PARD3B: variants seen among roughly 807,000 people sequenced by gnomAD.
The protein encoded by PARD3B is partitioning defective 3 homolog B.
A neutral mutation model predicts 130.2 loss-of-function variants in PARD3B; 103 were observed. The observed-to-expected ratio is 0.79, with a 90% CI of 0.67 to 0.93. PARD3B has a LOEUF of 0.93. Ranked by LOEUF, PARD3B falls within the 40% of genes least tolerant of loss-of-function variation. PARD3B has a pLI of 0.00. For synonymous variants in PARD3B, 583 were observed against 553.2 expected, an observed-to-expected ratio of 1.05 and a Z score of -0.76; for missense variants, 1,609 against 1,499.2, an observed-to-expected ratio of 1.07 and a Z score of -1.21.
intron 19 of PARD3B, among the ~76,000 whole-genome samples, chr2:205,408,023 T>C (rs1344135572): frequency 6.6e-6 from 1 of 152,176 alleles, no homozygotes; most frequent in Non-Finnish European, 1.5e-5. Flanking sequence ...TGAAAACATA[T>C]GGCTCTTGTT....
chr2:204,658,229 C>G (rs1159546277), intron 1 of PARD3B, among the ~76,000 whole-genome samples: 1 of 152,006 alleles, frequency 6.6e-6, no homozygotes, highest in Non-Finnish European at 1.5e-5. Context: ...TTATTAGATC[C>G]TTCAAGTCAA....
chr2:205,105,613 G>A lies in PARD3B; in HGVS notation c.593+1099G>A, dbSNP rs185851422. On this transcript the variant is annotated intron_variant, in intron 5 of 22. Coordinates refer to ENST00000406610, the MANE Select transcript of PARD3B (RefSeq NM_001302769.2). This position sits in a 1 kb window ranked among gnomAD's most constrained non-coding sequence, Gnocchi z 4.0. ...AGCATAGTTACTCTTTATTTAGATC[G>A]TTTCTTTGACTGATGAGCTATACAG... Among the ~76,000 whole-genome samples, 9 of 152,014 alleles carry A rather than the reference G, an allele frequency of 5.9e-5. No homozygotes were observed. Among genetic ancestry groups the A allele is most frequent in the Admixed American group, 2.0e-4 (3 of 15,274 alleles).
chr2:205,257,588 TTTTGAAAAATTATATATTTAAATTAATG>T (rs1479159030), intron 16 of PARD3B, among the ~76,000 whole-genome samples: 1 of 152,184 alleles, frequency 6.6e-6, no homozygotes, highest in Admixed American at 6.5e-5. Flanking sequence ...ACATTCTTTA[TTTTGAAAAATTATATATTTAAATTAATG>T]TACATTAGTA....
chr2:205,086,264 A>T (rs1209390281), intron 4 of PARD3B, among the ~76,000 whole-genome samples: 1 of 152,186 alleles, frequency 6.6e-6, no homozygotes, highest in Non-Finnish European at 1.5e-5. Flanking sequence ...GAAATAATAC[A>T]CTTTACAAAA....
rs1300707777 is a variant in PARD3B, at chr2:205,280,447, T to C, written c.2186-20083T>C. Among the ~76,000 whole-genome samples, 1 of 152,224 alleles carries C rather than the reference T, an allele frequency of 6.6e-6. No homozygotes were observed. Among genetic ancestry groups the C allele is most frequent in the East Asian group, 1.9e-4 (1 of 5,202 alleles). ...TTGTTCATTAGAGCAAATGGTTTAA[T>C]TTTTATTCCAAACTCTAGATTAAGT... On this transcript the variant is annotated intron_variant, in intron 16 of 22. Transcript: ENST00000406610. This position sits in a 1 kb window ranked among gnomAD's most constrained non-coding sequence, Gnocchi z 4.7.
intron 3 of PARD3B, among the ~76,000 whole-genome samples, chr2:205,006,607 C>A (rs1306725615): frequency 6.6e-6 from 1 of 151,994 alleles, no homozygotes; most frequent in Non-Finnish European, 1.5e-5. Flanking sequence ...GTTTGTATAT[C>A]TTTTTTTGAG....
intron 2 of PARD3B, among the ~76,000 whole-genome samples, chr2:204,936,390 A>C (rs1185993008): frequency 6.6e-6 from 1 of 152,222 alleles, no homozygotes. Flanking sequence ...ATTGTTGATC[A>C]ATCTATTAAC....
chr2:205,505,122 C>T (rs528360867), intron 21 of PARD3B, among the ~76,000 whole-genome samples: 1 of 151,990 alleles, frequency 6.6e-6, no homozygotes, highest in Non-Finnish European at 1.5e-5. Flanking sequence ...CCATCATTCT[C>T]AGCAAACTAT....
chr2:205,114,971 A>G (rs376137033), intron 6 of PARD3B, among the ~76,000 whole-genome samples: 14 of 152,270 alleles, frequency 9.2e-5, no homozygotes, highest in African/African-American at 3.1e-4. Context: ...GAGAAATTCT[A>G]ATGACTTTTG....
At chr2:204,787,560 T>C (rs2125465945) in intron 2 of PARD3B, among the ~76,000 whole-genome samples, 1 of 152,280 alleles carries the variant, frequency 6.6e-6, no homozygotes, top group Non-Finnish European at 1.5e-5. Flanking sequence ...GTCGACATGA[T>C]ACTAGCAAAG....
At chr2:205,201,848 T>G (rs1192873436) in intron 15 of PARD3B, among the ~76,000 whole-genome samples, 1 of 152,100 alleles carries the variant, frequency 6.6e-6, no homozygotes, top group African/African-American at 2.4e-5. Flanking sequence ...AAAAAATAAA[T>G]AAATAAAACG....
At chr2:205,482,781 A>C (rs567138596) in intron 20 of PARD3B, 1 of 152,242 alleles carries the variant, frequency 6.6e-6, no homozygotes, top group South Asian at 2.1e-4. Flanking sequence ...ATTCGGTGAC[A>C]CCATCTTTTA....
At position 205,244,507 on chromosome 2, in the gene PARD3B, G is replaced by A. The variant is rs897966639; in HGVS notation, c.2141-1271G>A. 4.6e-5 allele frequency among the ~76,000 whole-genome samples: 7 copies of A among 152,200 alleles called. No individual in the cohort carries two copies. The highest frequency in any genetic ancestry group is 1.4e-4 in the African/African-American group (6 of 41,444). The stretch of plus-strand genomic sequence containing the variant: ...TCATGTATTTTTCTGATATTAGTTA[G>A]TATCTGGGTAACACTAGCCTCATAG... On this transcript the variant is annotated intron_variant, in intron 15 of 22. Coordinates refer to ENST00000406610, the MANE Select transcript of PARD3B (RefSeq NM_001302769.2). The surrounding 1 kb of genome is among the most constrained non-coding windows in gnomAD (Gnocchi z 4.7).
At chr2:204,846,361 A>C (rs1285819961) in intron 2 of PARD3B, among the ~76,000 whole-genome samples, 1 of 152,046 alleles carries the variant, frequency 6.6e-6, no homozygotes, top group African/African-American at 2.4e-5. Flanking sequence ...AACTAAAAAC[A>C]ATGTGTAACT....
At chr2:204,794,500 C>T (rs974645819) in intron 2 of PARD3B, among the ~76,000 whole-genome samples, 4 of 152,012 alleles carry the variant, frequency 2.6e-5, no homozygotes, top group Non-Finnish European at 5.9e-5. Context: ...TGCTGATTAC[C>T]GTGGTGGAAA....
chr2:205,356,718 C>A (rs970405202), intron 18 of PARD3B, among the ~76,000 whole-genome samples: 30 of 151,938 alleles, frequency 2.0e-4, no homozygotes, highest in African/African-American at 7.3e-4. Flanking sequence ...TGGTGAAACC[C>A]CGTCTCTACT....
At chr2:205,524,513 C>G (rs926529681) in intron 21 of PARD3B, among the ~76,000 whole-genome samples, 4 of 152,176 alleles carry the variant, frequency 2.6e-5, no homozygotes, top group Non-Finnish European at 5.9e-5. Context: ...GCTTTCTATG[C>G]CCTGACTTCT....
chr2:205,556,023 T>A (rs1031388501), intron 22 of PARD3B, among the ~76,000 whole-genome samples: 2 of 152,156 alleles, frequency 1.3e-5, no homozygotes, highest in Non-Finnish European at 2.9e-5. Context: ...CTGGTTTTCT[T>A]GTCTTTCCCC....
intron 19 of PARD3B, among the ~76,000 whole-genome samples, chr2:205,432,045 A>C (rs1454582663): frequency 6.6e-6 from 1 of 152,194 alleles, no homozygotes; most frequent in Non-Finnish European, 1.5e-5. Context: ...TTTTAGGTAG[A>C]TGAAATACTG....
Sources: allele counts gnomAD v4.1 joint callset (sites outside exome capture counted in the v4.1 genomes callset), GRCh38; gene constraint gnomAD v4.1.1; non-coding constraint Gnocchi (gnomAD v3.1); transcripts MANE v1.5; gene names NCBI Gene and HGNC (gene_info 2026-07-23, HGNC 2026-07-21).